The following ULK4 variants were observed in gnomAD, a reference collection of about 807,000 sequenced individuals.
The protein encoded by ULK4 is inactive serine/threonine-protein kinase ULK4.
Under a neutral mutation model 160.6 loss-of-function variants are expected in ULK4, and 133 were observed. That is an observed-to-expected ratio of 0.83 (90% confidence interval 0.72 to 0.96). ULK4 has a LOEUF of 0.96. Among genes scored for constraint, ULK4 ranks in the 40% least tolerant of loss-of-function variants. The pLI is 0.00. For missense variants in ULK4, 1,580 were observed against 1,499.5 expected (o/e 1.05, Z -0.89); for synonymous variants, 534 against 539.8 (o/e 0.99, Z 0.15).
intron 32 of ULK4, among the ~76,000 whole-genome samples, chr3:41,532,473 G>C (rs2086352500): frequency 6.6e-6 from 1 of 152,028 alleles, no homozygotes; most frequent in Non-Finnish European, 1.5e-5. Flanking sequence ...TCTTAATTTT[G>C]TTTGTTTTTT....
At chr3:41,720,166 A>C (rs2037401347) in intron 22 of ULK4, among the ~76,000 whole-genome samples, 1 of 152,190 alleles carries the variant, frequency 6.6e-6, no homozygotes, top group African/African-American at 2.4e-5. Flanking sequence ...ACCCCAGTAA[A>C]CTTAAAAATA....
intron 35 of ULK4, among the ~76,000 whole-genome samples, chr3:41,349,428 A>G (rs1246118143): frequency 6.6e-6 from 1 of 152,110 alleles, no homozygotes; most frequent in Non-Finnish European, 1.5e-5. Context: ...CTCTAGGTCC[A>G]TTTGACTTGG....
intron 35 of ULK4, among the ~76,000 whole-genome samples, chr3:41,319,493 G>A (rs892834717): frequency 6.6e-6 from 1 of 152,190 alleles, no homozygotes; most frequent in East Asian, 1.9e-4. Flanking sequence ...ACAGGCCTCT[G>A]ACTCTGAAAA....
intron 34 of ULK4, among the ~76,000 whole-genome samples, chr3:41,400,052 T>C (rs1243798541): frequency 1.3e-5 from 2 of 152,096 alleles, no homozygotes; most frequent in African/African-American, 2.4e-5. Flanking sequence ...TTTGAGATAT[T>C]TGTAGGTTTG....
chr3:41,320,003 A>C (rs1229235049), intron 35 of ULK4, among the ~76,000 whole-genome samples: 1 of 152,206 alleles, frequency 6.6e-6, no homozygotes, highest in South Asian at 2.1e-4. Context: ...AGTGATATAA[A>C]TATGTTATAT....
chr3:41,911,681 A>G, intron 9 of ULK4, 22 bp from the exon 10 acceptor site: 1 of 1,562,884 alleles, frequency 6.4e-7, no homozygotes, highest in Non-Finnish European at 8.8e-7. Context: ...GAAAACCAAC[A>G]CAATCAAACT....
intron 25 of ULK4, among the ~76,000 whole-genome samples, chr3:41,708,444 T>G (rs1357552945): frequency 6.6e-6 from 1 of 152,182 alleles, no homozygotes; most frequent in Non-Finnish European, 1.5e-5. Context: ...AAATATCATG[T>G]GGTCTCACTT....
At chr3:41,516,216 A>G (rs1414430161) in intron 32 of ULK4, among the ~76,000 whole-genome samples, 1 of 152,212 alleles carries the variant, frequency 6.6e-6, no homozygotes, top group Non-Finnish European at 1.5e-5. Context: ...TGAGAAAGTG[A>G]AATTTTACTA....
At chr3:41,261,564 C>T (rs1478541751) in intron 35 of ULK4, among the ~76,000 whole-genome samples, 2 of 152,190 alleles carry the variant, frequency 1.3e-5, no homozygotes, top group Non-Finnish European at 2.9e-5. Context: ...GTGTTTCTAG[C>T]CCCACTGCCT....
In ULK4 at chr3:41,643,202, C is replaced by T. The variant is rs2034315978; in HGVS notation, c.3071+20405G>A. ...CAGAAGCCCTTTAGTTTAATTAGAT[C>T]CCATTTGTCAATTTTGGCTTTTGTT... On this transcript the variant is annotated intron_variant, in intron 30 of 36. Transcript: ENST00000301831. Among the ~76,000 whole-genome samples the T allele has an allele frequency of 6.6e-5, 10 of 152,184 alleles. No homozygotes were observed. The South Asian group carries it at 2.1e-3, about 32-fold the overall frequency.
intron 21 of ULK4, among the ~76,000 whole-genome samples, chr3:41,772,137 C>T (rs908948157): frequency 1.3e-5 from 2 of 152,148 alleles, no homozygotes; most frequent in Non-Finnish European, 2.9e-5. Flanking sequence ...CTAAAATTGA[C>T]ACCCTATCAC....
At chr3:41,273,636 T>C (rs540710189) in intron 35 of ULK4, among the ~76,000 whole-genome samples, 69 of 152,242 alleles carry the variant, frequency 4.5e-4, no homozygotes, top group African/African-American at 1.6e-3. Context: ...AGATACGATT[T>C]GTTTGGTCCC....
At chr3:41,324,660 G>A (rs185268233) in intron 35 of ULK4, among the ~76,000 whole-genome samples, 69 of 152,242 alleles carry the variant, frequency 4.5e-4, no homozygotes, top group African/African-American at 1.5e-3. Context: ...AGGACAGAGG[G>A]GGTTTGAACA....
chr3:41,479,733 C>G (rs1390781028), intron 32 of ULK4, among the ~76,000 whole-genome samples: 1 of 152,102 alleles, frequency 6.6e-6, no homozygotes, highest in Non-Finnish European at 1.5e-5. Flanking sequence ...CCTAAAACTC[C>G]TAAAGGACAG....
rs771322022 is a variant in ULK4, at chr3:41,883,914, G to C, written c.1616C>G (p.Ser539Trp). The C allele has an allele frequency of 4.3e-6, 7 of 1,610,652 alleles. No individual in the cohort carries two copies. The South Asian group carries it at 6.6e-5, about 15-fold the overall frequency. The part of the protein sequence containing the change: ...KVAHVIGLLA[S>W]HTAELQENTP... The stretch of plus-strand genomic sequence containing the variant: ...ATTTTCCTGGAGCTCAGCTGTGTGC[G>C]AAGCCAGTAAACCAATTACGTGAGC... Residue 539 changes from serine (S) to tryptophan (W), a missense_variant, in exon 17 of 37, where the codon TCG becomes TGG. By Grantham distance (177) the Ser-to-Trp change is radical (BLOSUM62 -3). Coordinates refer to ENST00000301831, the MANE Select transcript of ULK4 (RefSeq NM_017886.4).
At chr3:41,460,095 C>T (rs1249763636) in intron 33 of ULK4, among the ~76,000 whole-genome samples, 1 of 152,072 alleles carries the variant, frequency 6.6e-6, no homozygotes, top group Non-Finnish European at 1.5e-5. Context: ...ACAGACAGCC[C>T]CCTAAAATAG....
At chr3:41,533,800 G>C (rs575885787) in intron 32 of ULK4, among the ~76,000 whole-genome samples, 17 of 152,268 alleles carry the variant, frequency 1.1e-4, no homozygotes, top group Middle Eastern at 3.4e-3. Flanking sequence ...AAGAGAGCTA[G>C]AAAGTACACT....
intron 35 of ULK4, among the ~76,000 whole-genome samples, chr3:41,334,033 ATAAC>A (rs1377067251): frequency 6.6e-6 from 1 of 152,172 alleles, no homozygotes; most frequent in Non-Finnish European, 1.5e-5. Flanking sequence ...ACAGGACAGG[ATAAC>A]TAAGAAACAC....
intron 22 of ULK4, among the ~76,000 whole-genome samples, chr3:41,744,201 A>C (rs2038340879): frequency 6.6e-6 from 1 of 151,974 alleles, no homozygotes; most frequent in Admixed American, 6.5e-5. Context: ...AAACCTTGAC[A>C]TATCAGTAAT....
Sources: gnomAD v4.1 joint callset for allele counts (sites outside exome capture counted in the v4.1 genomes callset) on GRCh38, gnomAD v4.1.1 for gene constraint, MANE v1.5 for transcripts, NCBI Gene and HGNC (gene_info 2026-07-23, HGNC 2026-07-21) for gene names.